The following COL4A4 variants were observed in gnomAD, a reference collection of about 807,000 sequenced individuals.
COL4A4 encodes collagen alpha-4(IV) chain.
A neutral mutation model predicts 192.9 loss-of-function variants in COL4A4; 105 were observed. The ratio of observed to expected loss-of-function variants is 0.54; its 90% CI spans 0.46 to 0.64. The LOEUF (loss-of-function observed/expected upper bound fraction) is 0.64. COL4A4 is among the 30% of genes least tolerant of loss of function. The pLI is 0.00. For missense variants in COL4A4, 1,967 were observed against 2,169.3 expected, an observed-to-expected ratio of 0.91 and a Z score of 1.85; for synonymous variants, 762 against 769.9, an observed-to-expected ratio of 0.99 and a Z score of 0.17.
At chr2:226,994,612 A>G in the COL4A4 span, among the ~76,000 whole-genome samples, 1 of 152,158 alleles carries the variant, frequency 6.6e-6, no homozygotes. Flanking sequence ...ACTTACCCGT[A>G]TCTATCAGTG....
At chr2:226,995,804 G>A in the COL4A4 span, 10 of 429,944 alleles carry the variant, frequency 2.3e-5, no homozygotes, top group Admixed American at 1.6e-4. Context: ...CTGACTCAGC[G>A]ATGCCTCTGC....
At chr2:227,035,225 T>C (rs1969368512) in intron 37 of COL4A4, among the ~76,000 whole-genome samples, 1 of 152,108 alleles carries the variant, frequency 6.6e-6, no homozygotes, top group Non-Finnish European at 1.5e-5. Flanking sequence ...TGGAACAAGG[T>C]GGATGAGGGA....
chr2:226,986,804 A>G, the COL4A4 span, among the ~76,000 whole-genome samples: 1 of 152,222 alleles, frequency 6.6e-6, no homozygotes, highest in African/African-American at 2.4e-5. Context: ...TGGAAATACC[A>G]TTTGACTCAG....
chr2:227,012,184 G>A lies in COL4A4; in HGVS notation c.4330C>T (p.Pro1444Ser). 1 of 1,611,092 alleles carries A rather than the reference G, an allele frequency of 6.2e-7. No individual in the cohort carries two copies. Among genetic ancestry groups the A allele is most frequent in the Non-Finnish European group, 8.5e-7 (1 of 1,177,240 alleles). Residue 1444 changes from proline to serine, a missense_variant, in exon 45 of 48, where the codon CCA (proline) becomes TCA (serine). Physicochemically the swap from Pro to Ser is moderately conservative, Grantham distance 74 (BLOSUM62 -1). Coordinates refer to ENST00000396625, the MANE Select transcript of COL4A4 (RefSeq NM_000092.5). The stretch of plus-strand genomic sequence containing the variant: ...AGAGGAGTGACTGAAACTCTACCTG[G>A]TCCTCCAGGGTAGCCGTCTTCTCCT... Reference protein sequence around the residue: ...DTGEDGYPGGPGPPGPIGDPG... With the variant: ...DTGEDGYPGGSGPPGPIGDPG...
At chr2:227,064,032 T>G (rs1193469194) in intron 25 of COL4A4, among the ~76,000 whole-genome samples, 1 of 152,176 alleles carries the variant, frequency 6.6e-6, no homozygotes, top group East Asian at 1.9e-4. Context: ...TCAAATTTTA[T>G]GTAGCTATTA....
chr2:227,026,151 T>C (rs1432781002), intron 42 of COL4A4, among the ~76,000 whole-genome samples: 1 of 152,092 alleles, frequency 6.6e-6, no homozygotes, highest in African/African-American at 2.4e-5. Flanking sequence ...CTTCTGAAAA[T>C]TTCATATTAA....
chr2:227,053,828 G>C (rs1432943580), intron 31 of COL4A4, among the ~76,000 whole-genome samples: 1 of 151,828 alleles, frequency 6.6e-6, no homozygotes, highest in Non-Finnish European at 1.5e-5. Context: ...TTACAGGCGT[G>C]AGCCACCACA....
Position 227,050,273 on chromosome 2 carries a change from C to T in COL4A4, c.3151-142G>A, listed in dbSNP as rs952123950. ...TAACGAAAGTTTAAATGCATGCAAG[C>T]CTCCCACTACATGTATCTAGTTTTT... On this transcript the variant is annotated intron_variant, in intron 33 of 47. Coordinates refer to ENST00000396625, the MANE Select transcript of COL4A4 (RefSeq NM_000092.5). The T allele has an allele frequency of 4.1e-6, 3 of 736,712 alleles. No homozygotes were observed. The African/African-American group carries it at 5.2e-5, about 13-fold the overall frequency. 45.6% of individuals were successfully genotyped at this position (736,712 alleles called of 1,614,324 possible). A position where few individuals can be genotyped will look rare whatever the true frequency, so the allele number is the denominator to read the frequency against.
chr2:227,118,772 C>T lies in COL4A4; in HGVS notation c.373-11G>A, dbSNP rs754969985. 9 of 1,590,962 alleles carry T rather than the reference C, an allele frequency of 5.7e-6. No individual in the cohort carries two copies. The highest frequency in any genetic ancestry group is 1.7e-6 in the Non-Finnish European group (2 of 1,160,694). On this transcript the variant is annotated splice_polypyrimidine_tract_variant and intron_variant, in intron 6 of 47. Transcript: ENST00000396625. ...AGGCCCTGGGTGCCCCTGCAGAAAACAAAATTATAAGTGAAGCATTTTTGC... is the reference window on the plus strand; with the variant it reads ...AGGCCCTGGGTGCCCCTGCAGAAAATAAAATTATAAGTGAAGCATTTTTGC...
In COL4A4 at chr2:227,030,505, C is replaced by T; in HGVS notation, c.3911G>A (p.Gly1304Asp). Residue 1304 changes from glycine to aspartate, a missense_variant, in exon 41 of 48, where the codon GGC becomes GAC. Physicochemically the swap from Gly to Asp is moderately conservative, Grantham distance 94 (BLOSUM62 -1). Coordinates refer to ENST00000396625, the MANE Select transcript of COL4A4 (RefSeq NM_000092.5). ...TTTGTATCCTGGAGGGCCTGGTGGGCCAGGGGGACCTGGTGGCCCTGGTAG... is the reference window on the plus strand; with the variant it reads ...TTTGTATCCTGGAGGGCCTGGTGGGTCAGGGGGACCTGGTGGCCCTGGTAG... ...CGLPGPPGPP[G>D]PPGPPGYKGF... 6.2e-7 allele frequency: 1 copy of T among 1,614,080 alleles called. No individual in the cohort carries two copies. Among genetic ancestry groups the T allele is most frequent in the South Asian group, 1.1e-5 (1 of 91,082 alleles).
Position 227,144,511 on chromosome 2 carries a change from C to T in COL4A4, c.114+5G>A. On this transcript the variant is annotated splice_donor_5th_base_variant and intron_variant, in intron 3 of 47. Transcript: ENST00000396625. Reference sequence around the variant, plus strand: ...AACGCAACCAGAGCTAGTGAATGTACTTACCCCATATACATATTGTACAGA... The same window carrying T: ...AACGCAACCAGAGCTAGTGAATGTATTTACCCCATATACATATTGTACAGA... 6.2e-7 allele frequency: 1 copy of T among 1,608,556 alleles called. No homozygotes were observed. Among genetic ancestry groups the T allele is most frequent in the South Asian group, 1.1e-5 (1 of 90,876 alleles).
chr2:227,088,600 G>A (rs2059728498), intron 22 of COL4A4, 53 bp downstream of exon 22: 1 of 1,599,266 alleles, frequency 6.3e-7, no homozygotes, highest in African/African-American at 1.3e-5. Flanking sequence ...TGTGAAAACA[G>A]ACTAATACCA....
intron 33 of COL4A4, 64 bp downstream of exon 33, chr2:227,050,913 T>A: frequency 2.5e-6 from 4 of 1,597,646 alleles, no homozygotes; most frequent in Non-Finnish European, 2.6e-6. Context: ...TATAGCTCCT[T>A]ACGGACATCC....
chr2:227,055,829 G>C, intron 30 of COL4A4, 116 bp downstream of exon 30: 1 of 941,138 alleles, frequency 1.1e-6, no homozygotes, highest in Non-Finnish European at 1.6e-6. Context: ...ATTAAGGGAA[G>C]GACAAAGCCA....
At chr2:227,159,425 C>T (rs564394334) in intron 1 of COL4A4, among the ~76,000 whole-genome samples, 5 of 152,260 alleles carry the variant, frequency 3.3e-5, no homozygotes, top group African/African-American at 1.2e-4. Flanking sequence ...GATGCATCGG[C>T]AAAACTTTTT....
At chr2:227,030,746 G>A (rs771956434) in intron 40 of COL4A4, 148 bp from the exon 41 acceptor site, 4 of 615,946 alleles carry the variant, frequency 6.5e-6, no homozygotes, top group Non-Finnish European at 1.1e-5. Flanking sequence ...AATGATAACA[G>A]AAATGAAATA....
At position 227,060,120 on chromosome 2, in the gene COL4A4, A is replaced by AAAAAAAAC; in HGVS notation, c.2164+15_2164+16insGTTTTTTT. 4 of 1,403,908 alleles carry AAAAAAAAC rather than the reference A, an allele frequency of 2.8e-6. No individual in the cohort carries two copies. The highest frequency in any genetic ancestry group is 3.9e-6 in the Non-Finnish European group (4 of 1,020,670). 87.0% of individuals were successfully genotyped at this position (1,403,908 alleles called of 1,614,324 possible). ...AAAGCAGAAAAAAAAAAAAAAAAAA[A>AAAAAAAAC]AAAAACCTCACTGACCAGGTGGACC... On this transcript the variant is annotated intron_variant, in intron 27 of 47. Coordinates refer to ENST00000396625, the MANE Select transcript of COL4A4 (RefSeq NM_000092.5).
intron 25 of COL4A4, among the ~76,000 whole-genome samples, chr2:227,071,079 T>C (rs1313313667): frequency 6.6e-6 from 1 of 151,922 alleles, no homozygotes; most frequent in Non-Finnish European, 1.5e-5. Flanking sequence ...TCATGTTGAG[T>C]GTAAATGCTC....
the COL4A4 span, among the ~76,000 whole-genome samples, chr2:226,981,259 T>C: frequency 5.3e-5 from 8 of 152,122 alleles, no homozygotes; most frequent in African/African-American, 1.7e-4. Context: ...GAGAAATACC[T>C]AATGTAAATG....
Sources: gnomAD v4.1 joint callset for allele counts (sites outside exome capture counted in the v4.1 genomes callset) on GRCh38, gnomAD v4.1.1 for gene constraint, MANE v1.5 for transcripts, NCBI Gene and HGNC (gene_info 2026-07-23, HGNC 2026-07-21) for gene names.